The following THSD4 variants were observed in gnomAD, a reference collection of about 807,000 sequenced individuals.
THSD4 encodes thrombospondin type-1 domain-containing protein 4.
In THSD4, 69 loss-of-function variants were observed where a neutral mutation model predicts 119.0. The observed-to-expected ratio is 0.58, with a 90% CI of 0.48 to 0.71. THSD4 has a LOEUF of 0.71. Among genes scored for constraint, THSD4 ranks in the 30% least tolerant of loss-of-function variants. THSD4 has a pLI of 0.00. For synonymous variants in THSD4, 524 were observed against 540.4 expected, an observed-to-expected ratio of 0.97 and a Z score of 0.42; for missense variants, 1,393 against 1,391.1, an observed-to-expected ratio of 1.00 and a Z score of -0.02.
At chr15:71,301,255 A>G (rs142317185) in intron 6 of THSD4, among the ~76,000 whole-genome samples, 75 of 152,322 alleles carry the variant, frequency 4.9e-4, no homozygotes, top group African/African-American at 1.8e-3. Context: ...AACAAAACCT[A>G]TGTATATAAT....
intron 7 of THSD4, among the ~76,000 whole-genome samples, chr15:71,505,466 C>T (rs898169833): frequency 2.0e-5 from 3 of 152,054 alleles, no homozygotes; most frequent in Non-Finnish European, 4.4e-5. Flanking sequence ...AGAAAAGGAA[C>T]AAGATGGGGT....
In THSD4 at chr15:71,156,320, C is replaced by T. The variant is rs139699459; in HGVS notation, c.99+1388C>T. On this transcript the variant is annotated intron_variant, in intron 3 of 17. Transcript: ENST00000261862. ...TCACCCAGGCTGGAGTGCAATGGCA[C>T]GATCTTGGCTCACTGCAACCTCCGC... Among the ~76,000 whole-genome samples, 532 of 151,322 alleles carry T rather than the reference C, an allele frequency of 3.5e-3. 3 individuals carry two copies. The highest frequency in any genetic ancestry group is 0.013 in the African/African-American group (519 of 41,160).
At chr15:71,310,085 TAGG>T (rs2045090496) in intron 6 of THSD4, among the ~76,000 whole-genome samples, 1 of 152,222 alleles carries the variant, frequency 6.6e-6, no homozygotes, top group African/African-American at 2.4e-5. Context: ...ATGCTAGTAT[TAGG>T]AGGTGATTTT....
chr15:71,100,786 C>G (rs1328213107), intron 1 of THSD4, among the ~76,000 whole-genome samples: 1 of 152,024 alleles, frequency 6.6e-6, no homozygotes, highest in Non-Finnish European at 1.5e-5. Flanking sequence ...TTGAGACCAG[C>G]CTGGGCCACA....
At chr15:71,104,390 T>C (rs1459894261) in intron 1 of THSD4, among the ~76,000 whole-genome samples, 2 of 152,208 alleles carry the variant, frequency 1.3e-5, no homozygotes, top group African/African-American at 2.4e-5. Flanking sequence ...TCTCCAATTC[T>C]GCTCCCATCA....
chr15:71,243,227 C>G, intron 5 of THSD4, 131 bp downstream of exon 5: 1 of 926,630 alleles, frequency 1.1e-6, no homozygotes. Flanking sequence ...TAATCTTCCT[C>G]CTTTCTCTTT....
intron 6 of THSD4, among the ~76,000 whole-genome samples, chr15:71,322,559 A>G (rs943003217): frequency 1.3e-5 from 2 of 152,356 alleles, no homozygotes; most frequent in East Asian, 3.9e-4. Flanking sequence ...AATATTTATT[A>G]TCTTAAAACG....
intron 7 of THSD4, among the ~76,000 whole-genome samples, chr15:71,630,427 A>G (rs540066960): frequency 6.6e-6 from 1 of 152,246 alleles, no homozygotes; most frequent in African/African-American, 2.4e-5. Flanking sequence ...ATTTGTTTAT[A>G]TTTTACCCCC....
At chr15:71,380,501 G>A (rs1002663719) in intron 6 of THSD4, among the ~76,000 whole-genome samples, 1 of 152,024 alleles carries the variant, frequency 6.6e-6, no homozygotes, top group African/African-American at 2.4e-5. Context: ...AACACACCCA[G>A]GAGACGACTG....
intron 7 of THSD4, among the ~76,000 whole-genome samples, chr15:71,572,229 G>C (rs537195835): frequency 9.8e-5 from 15 of 152,298 alleles, no homozygotes; most frequent in African/African-American, 3.4e-4. Context: ...TTCCAGTTGG[G>C]TGAGAGTAGC....
At chr15:71,508,534 C>T (rs1340582293) in intron 7 of THSD4, among the ~76,000 whole-genome samples, 1 of 152,150 alleles carries the variant, frequency 6.6e-6, no homozygotes, top group South Asian at 2.1e-4. Context: ...CCTTTCATTA[C>T]CAGCTCTGCA....
intron 4 of THSD4, among the ~76,000 whole-genome samples, chr15:71,226,779 G>A (rs1456114135): frequency 6.6e-6 from 1 of 152,214 alleles, no homozygotes; most frequent in East Asian, 1.9e-4. Context: ...AGCAAGAAGT[G>A]AAATCTTTGG....
chr15:71,590,451 C>T (rs985688337), intron 7 of THSD4, among the ~76,000 whole-genome samples: 18 of 134,180 alleles, frequency 1.3e-4, no homozygotes, highest in African/African-American at 4.4e-4. Flanking sequence ...AGCAAACTAA[C>T]GCAGGAACAG....
intron 6 of THSD4, among the ~76,000 whole-genome samples, chr15:71,365,887 C>T (rs112650475): frequency 0.01 from 1,539 of 152,270 alleles, 11 homozygotes; most frequent in Middle Eastern, 0.017. Flanking sequence ...AACACAGTCA[C>T]AGTCGCAAGT....
intron 6 of THSD4, among the ~76,000 whole-genome samples, chr15:71,265,769 G>A (rs1042010242): frequency 3.9e-5 from 6 of 152,184 alleles, no homozygotes; most frequent in East Asian, 1.9e-4. Context: ...GCTTTGTGGG[G>A]GGGGAGGGGC....
intron 6 of THSD4, among the ~76,000 whole-genome samples, chr15:71,328,285 C>T (rs2045372861): frequency 6.6e-6 from 1 of 152,164 alleles, no homozygotes; most frequent in African/African-American, 2.4e-5. Context: ...ATTGTATGGC[C>T]ACGCAAAACC....
At position 71,587,773 on chromosome 15, in the gene THSD4, TAA is replaced by T. The variant is rs529447946; in HGVS notation, c.1153-72746_1153-72745del. Among the ~76,000 whole-genome samples the T allele has an allele frequency of 2.0e-4, 15 of 76,584 alleles. 3 individuals are homozygous for T. Among genetic ancestry groups the T allele is most frequent in the African/African-American group, 8.1e-4 (13 of 16,002 alleles). 50.2% of individuals were successfully genotyped at this position (76,584 alleles called of 152,430 possible). A position where few individuals can be genotyped will look rare whatever the true frequency, so the allele number is the denominator to read the frequency against. On this transcript the variant is annotated intron_variant, in intron 7 of 17. Transcript: ENST00000261862. The stretch of plus-strand genomic sequence containing the variant: ...ATGTACCCTAAAACTTAGAGTATAA[TAA>T]AAAAAAAAAATTAAAAAAAAAAAAG...
intron 6 of THSD4, among the ~76,000 whole-genome samples, chr15:71,287,337 T>A (rs2044730809): frequency 6.6e-6 from 1 of 152,202 alleles, no homozygotes; most frequent in South Asian, 2.1e-4. Context: ...ATTGTACGTG[T>A]CCAAGAAAAA....
chr15:71,119,573 C>A (rs1378355429), intron 1 of THSD4, among the ~76,000 whole-genome samples: 1 of 152,142 alleles, frequency 6.6e-6, no homozygotes, highest in African/African-American at 2.4e-5. Context: ...GTCTTTAGTT[C>A]AGTCCTGAAG....
Sources: allele counts gnomAD v4.1 joint callset (sites outside exome capture counted in the v4.1 genomes callset), GRCh38; gene constraint gnomAD v4.1.1; transcripts MANE v1.5; gene names NCBI Gene and HGNC (gene_info 2026-07-23, HGNC 2026-07-21).